EXOC6: variants seen among roughly 807,000 people sequenced by gnomAD.
The protein encoded by EXOC6 is SEC15-like 1.
Under a neutral mutation model 112.5 loss-of-function variants are expected in EXOC6, and 60 were observed. The observed-to-expected ratio is 0.53, with a 90% CI of 0.43 to 0.66. The LOEUF is 0.66. Among genes scored for constraint, EXOC6 ranks in the 30% least tolerant of loss-of-function variants. The pLI is 0.00. For missense variants in EXOC6, 855 were observed against 957.1 expected (o/e 0.89, Z 1.41); for synonymous variants, 295 against 308.0 (o/e 0.96, Z 0.44).
At chr10:93,008,182 G>A (rs541174465) in intron 19 of EXOC6, among the ~76,000 whole-genome samples, 150 of 151,942 alleles carry the variant, frequency 9.9e-4, no homozygotes, top group Non-Finnish European at 1.7e-3. Context: ...CTCAAAAAAA[G>A]AAAAGAAAAG....
intron 1 of EXOC6, among the ~76,000 whole-genome samples, chr10:92,872,737 G>A (rs1848513185): frequency 6.7e-6 from 1 of 149,678 alleles, no homozygotes; most frequent in African/African-American, 2.5e-5. Context: ...CTTTAGCATT[G>A]TAAATCATAA....
intron 17 of EXOC6, among the ~76,000 whole-genome samples, chr10:92,966,109 T>C (rs1027754007): frequency 6.6e-6 from 1 of 152,074 alleles, no homozygotes; most frequent in Non-Finnish European, 1.5e-5. Flanking sequence ...TGGAACCTGC[T>C]TGTGGTGTCA....
intron 20 of EXOC6, among the ~76,000 whole-genome samples, chr10:93,041,247 CT>C (rs568254818): frequency 6.6e-4 from 100 of 151,716 alleles, no homozygotes; most frequent in African/African-American, 2.4e-3. Context: ...TCATCATTTT[CT>C]CTCTATCCCA....
In EXOC6 at chr10:92,987,633, AG is replaced by A. The variant is rs1333603756; in HGVS notation, c.1954-9840del. 13 of 985,118 alleles carry A rather than the reference AG, an allele frequency of 1.3e-5. No homozygotes were observed. In the South Asian group the frequency reaches 5.6e-4, roughly 43 times the overall value. 61.0% of individuals were successfully genotyped at this position (985,118 alleles called of 1,614,324 possible). A position where few individuals can be genotyped will look rare whatever the true frequency, so the allele number is the denominator to read the frequency against. ...CTCAGACTAACAACAATGATCATGC[AG>A]CCATGTCGGTAAGTAGATATAAACT... On this transcript the variant is annotated intron_variant, in intron 18 of 21. Coordinates refer to ENST00000260762, the MANE Select transcript of EXOC6 (RefSeq NM_019053.6).
intron 12 of EXOC6, among the ~76,000 whole-genome samples, chr10:92,939,457 C>A (rs1852535664): frequency 6.6e-6 from 1 of 151,650 alleles, no homozygotes; most frequent in Middle Eastern, 3.4e-3. Flanking sequence ...AGATGGTTTT[C>A]TAGATTCTCT....
At chr10:92,872,524 TC>T (rs1171983283) in intron 1 of EXOC6, among the ~76,000 whole-genome samples, 2 of 152,102 alleles carry the variant, frequency 1.3e-5, no homozygotes, top group Non-Finnish European at 2.9e-5. Context: ...CATTATATCT[TC>T]TAAAGCCTCA....
At chr10:93,001,186 A>C (rs571133931) in intron 19 of EXOC6, among the ~76,000 whole-genome samples, 1 of 152,314 alleles carries the variant, frequency 6.6e-6, no homozygotes, top group African/African-American at 2.4e-5. Flanking sequence ...ATGGAAATCA[A>C]CTGGAATATG....
At chr10:93,052,978 G>A (rs1846371015) in intron 20 of EXOC6, among the ~76,000 whole-genome samples, 1 of 152,130 alleles carries the variant, frequency 6.6e-6, no homozygotes, top group Non-Finnish European at 1.5e-5. Context: ...CATATTATTT[G>A]TGCATTGCCA....
In EXOC6 at chr10:92,990,716, A is replaced by G. The variant is rs1301796100; in HGVS notation, c.1954-6758A>G. On this transcript the variant is annotated intron_variant, in intron 18 of 21. Coordinates refer to ENST00000260762, the MANE Select transcript of EXOC6 (RefSeq NM_019053.6). ...CCATGGTGGTTTATTGCCCCTGTCA[A>G]CCCATCACCTAGGTATTAAGCCCAG... Among the ~76,000 whole-genome samples the G allele has an allele frequency of 3.3e-5, 5 of 152,076 alleles. No homozygotes were observed. The East Asian group carries it at 7.7e-4, about 23-fold the overall frequency.
chr10:92,949,099 C>T (rs939549884), intron 14 of EXOC6, among the ~76,000 whole-genome samples: 1 of 152,202 alleles, frequency 6.6e-6, no homozygotes, highest in African/African-American at 2.4e-5. Flanking sequence ...GTCATTTTAA[C>T]TGTAACTGTC....
intron 20 of EXOC6, among the ~76,000 whole-genome samples, chr10:93,051,286 T>G (rs1846281810): frequency 1.3e-5 from 2 of 152,210 alleles, no homozygotes; most frequent in African/African-American, 4.8e-5. Flanking sequence ...AGAGACTAAT[T>G]CCTTTAAGCA....
rs528774024 is a variant in EXOC6 at position 92,920,764 on chromosome 10, G to A, written c.888+714G>A. Among the ~76,000 whole-genome samples the A allele has an allele frequency of 3.1e-4, 47 of 152,010 alleles. 1 individual carries two copies. The highest frequency in any genetic ancestry group is 2.4e-3 in the Admixed American group (37 of 15,260). On this transcript the variant is annotated intron_variant, in intron 8 of 21. Coordinates refer to ENST00000260762, the MANE Select transcript of EXOC6 (RefSeq NM_019053.6). ...AGTTTTTTATTCATGTATTTTTAGG[G>A]CCTTGTTGGCAGGTGAATATATGTT... is the stretch of plus-strand genomic sequence containing the variant.
At chr10:92,993,133 T>G (rs988852242) in intron 18 of EXOC6, among the ~76,000 whole-genome samples, 6 of 152,152 alleles carry the variant, frequency 3.9e-5, no homozygotes. Context: ...ATATCCAAAT[T>G]GACCATGATT....
intron 15 of EXOC6, among the ~76,000 whole-genome samples, chr10:92,953,420 A>G (rs1277927344): frequency 6.6e-6 from 1 of 152,144 alleles, no homozygotes; most frequent in Non-Finnish European, 1.5e-5. Context: ...AAGTAAAAGG[A>G]TGCAAAAATG....
intron 7 of EXOC6, among the ~76,000 whole-genome samples, chr10:92,919,392 T>G (rs1851302602): frequency 6.6e-6 from 1 of 152,240 alleles, no homozygotes; most frequent in African/African-American, 2.4e-5. Flanking sequence ...ATTTCTCAAG[T>G]TTGAGAAACT....
intron 1 of EXOC6, among the ~76,000 whole-genome samples, chr10:92,863,832 G>A (rs1272933264): frequency 2.7e-5 from 4 of 150,668 alleles, no homozygotes; most frequent in Admixed American, 2.0e-4. Flanking sequence ...GGAGAATGGC[G>A]TGAACCCGGG....
chr10:92,866,957 CAG>C (rs1410850085), intron 1 of EXOC6, among the ~76,000 whole-genome samples: 1 of 152,090 alleles, frequency 6.6e-6, no homozygotes, highest in African/African-American at 2.4e-5. Context: ...CCAGTCAGAA[CAG>C]AGTTTCTTTC....
intron 8 of EXOC6, among the ~76,000 whole-genome samples, chr10:92,921,890 A>G (rs1851465182): frequency 6.6e-6 from 1 of 151,850 alleles, no homozygotes; most frequent in Admixed American, 6.6e-5. Context: ...ATAAACTTTC[A>G]TTAGCACAAT....
chr10:92,893,028 A>G lies in EXOC6; in HGVS notation c.102-321A>G, dbSNP rs143583551. Among the ~76,000 whole-genome samples the G allele has an allele frequency of 5.6e-3, 847 of 152,310 alleles. 6 individuals carry two copies. Among genetic ancestry groups the G allele is most frequent in the African/African-American group, 0.017 (700 of 41,574 alleles). On this transcript the variant is annotated intron_variant, in intron 1 of 21. Coordinates refer to ENST00000260762, the MANE Select transcript of EXOC6 (RefSeq NM_019053.6). ...GTAAAAATCATGAGTTTGTTCATTCATTCTTTAACCATTCATTCACTCAGT... is the reference window on the plus strand; with the variant it reads ...GTAAAAATCATGAGTTTGTTCATTCGTTCTTTAACCATTCATTCACTCAGT...
Sources: gnomAD v4.1 joint callset for allele counts (sites outside exome capture counted in the v4.1 genomes callset) on GRCh38, gnomAD v4.1.1 for gene constraint, MANE v1.5 for transcripts, NCBI Gene and HGNC (gene_info 2026-07-23, HGNC 2026-07-21) for gene names.